The following SH3GL3 variants were observed in gnomAD, a reference collection of about 807,000 sequenced individuals.
SH3GL3 encodes SH3 domain containing GRB2 like 3, endophilin A3, also known as endophilin-A3.
In SH3GL3, 33 loss-of-function variants were observed where a neutral mutation model predicts 47.7. The ratio of observed to expected loss-of-function variants is 0.69; its 90% CI spans 0.52 to 0.92. The LOEUF (loss-of-function observed/expected upper bound fraction) is 0.92, where lower values mean the gene tolerates loss of function less well. SH3GL3 is among the 40% of genes least tolerant of loss of function. The pLI is 0.00. For synonymous variants in SH3GL3, 155 were observed against 148.8 expected (o/e 1.04, Z -0.30); for missense variants, 363 against 417.8 (o/e 0.87, Z 1.14).
chr15:83,495,772 C>T (rs1429247746), intron 1 of SH3GL3, among the ~76,000 whole-genome samples: 2 of 151,908 alleles, frequency 1.3e-5, no homozygotes. Context: ...ACATCTTTTT[C>T]CATGTTAAGG....
intron 1 of SH3GL3, among the ~76,000 whole-genome samples, chr15:83,473,879 C>T (rs540845439): frequency 2.1e-4 from 31 of 149,304 alleles, no homozygotes; most frequent in Admixed American, 1.5e-3. Flanking sequence ...TATGTCCATG[C>T]GCATTTCCGT....
chr15:83,611,644 G>C (rs1408477693), intron 8 of SH3GL3: 1 of 152,552 alleles, frequency 6.6e-6, no homozygotes, highest in Non-Finnish European at 1.5e-5. Flanking sequence ...GGAACTGCCA[G>C]CTGCAGGACC....
chr15:83,589,643 C>T (rs1440040333), intron 8 of SH3GL3, among the ~76,000 whole-genome samples: 1 of 152,202 alleles, frequency 6.6e-6, no homozygotes, highest in African/African-American at 2.4e-5. Context: ...TTCTGAAGTG[C>T]TGGGATTATA....
chr15:83,482,462 T>C (rs965645880), intron 1 of SH3GL3, among the ~76,000 whole-genome samples: 4 of 152,122 alleles, frequency 2.6e-5, no homozygotes, highest in African/African-American at 9.7e-5. Flanking sequence ...TCTCTTTTCT[T>C]TCTACAAGCA....
intron 1 of SH3GL3, among the ~76,000 whole-genome samples, chr15:83,555,571 A>G (rs1489050778): frequency 6.6e-6 from 1 of 152,152 alleles, no homozygotes; most frequent in African/African-American, 2.4e-5. Flanking sequence ...ATCTGGATCC[A>G]GTCACAGAGC....
rs2041491787 is a variant in SH3GL3 at position 83,484,127 on chromosome 15, CCA to C, written c.45+36550_45+36551del. ...CAATCTCAAATGACCCTCTTTAATC[CCA>C]TTTTCTGCCTTCTTCTTATACTCAG... On this transcript the variant is annotated intron_variant, in intron 1 of 8. Transcript: ENST00000427482. 2.6e-5 allele frequency among the ~76,000 whole-genome samples: 4 copies of C among 152,162 alleles called. No homozygotes were observed. The South Asian group carries it at 8.3e-4, about 32-fold the overall frequency.
At chr15:83,491,965 C>T (rs1057106302) in intron 1 of SH3GL3, among the ~76,000 whole-genome samples, 1 of 152,064 alleles carries the variant, frequency 6.6e-6, no homozygotes, top group Non-Finnish European at 1.5e-5. Flanking sequence ...AATAGAATTG[C>T]GATCTGATCA....
chr15:83,461,323 G>A (rs531423613), intron 1 of SH3GL3, among the ~76,000 whole-genome samples: 17 of 152,196 alleles, frequency 1.1e-4, no homozygotes, highest in Non-Finnish European at 2.1e-4. Context: ...ATTTCCAAAA[G>A]TCTAATTAAA....
At chr15:83,619,528 G>A (rs985085357), downstream of SH3GL3, among the ~76,000 whole-genome samples, 1 of 152,110 alleles carries the variant, frequency 6.6e-6, no homozygotes, top group Admixed American at 6.6e-5. Flanking sequence ...ATTTACCTAT[G>A]TAACAAACCT....
the SH3GL3 span, among the ~76,000 whole-genome samples, chr15:83,627,396 C>CAAAAAA: frequency 5.3e-5 from 4 of 75,312 alleles, 1 homozygote; most frequent in Admixed American, 1.3e-4. Flanking sequence ...GATGCCGTCT[C>CAAAAAA]AAAAAAAAAA....
chr15:83,461,735 G>A (rs1408642321), intron 1 of SH3GL3, among the ~76,000 whole-genome samples: 1 of 151,826 alleles, frequency 6.6e-6, no homozygotes, highest in Admixed American at 6.6e-5. Flanking sequence ...ATTCTTGTAG[G>A]TACTTCGGAT....
At chr15:83,541,251 G>C (rs1451562114) in intron 1 of SH3GL3, among the ~76,000 whole-genome samples, 2 of 140,394 alleles carry the variant, frequency 1.4e-5, no homozygotes, top group African/African-American at 2.6e-5. Context: ...ATATCTCTTT[G>C]ATACACTGAT....
chr15:83,476,172 G>A (rs972165202), intron 1 of SH3GL3, among the ~76,000 whole-genome samples: 4 of 152,116 alleles, frequency 2.6e-5, no homozygotes, highest in Admixed American at 2.6e-4. Flanking sequence ...CTCCTTCTAC[G>A]AAGGAGGGAA....
rs142447916 is a variant in SH3GL3, at chr15:83,559,311, A to G, written c.104A>G (p.Asp35Gly). The G allele has an allele frequency of 1.3e-6, 2 of 1,577,422 alleles. No individual in the cohort carries two copies. Among genetic ancestry groups the G allele is most frequent in the African/African-American group, 1.3e-5 (1 of 74,188 alleles). The change falls in exon 2 of 9, where the codon GAC becomes GGC. Residue 35 changes from aspartate to glycine, a missense_variant. Transcript: ENST00000427482. ...EGTKLDDEFL[D>G]MERKIDVTNK... is the part of the protein sequence containing the mutation. ...ACTAAACTAGACGATGAATTTCTTG[A>G]CATGGAAAGGGTAAGAGCATTTTAA...
At chr15:83,626,946 C>T in the SH3GL3 span, among the ~76,000 whole-genome samples, 14 of 152,052 alleles carry the variant, frequency 9.2e-5, no homozygotes, top group Non-Finnish European at 1.8e-4. Flanking sequence ...GATTTTTATC[C>T]AGGTCTAAGG....
intron 8 of SH3GL3, among the ~76,000 whole-genome samples, chr15:83,598,687 C>CT (rs904353236): frequency 2.3e-4 from 35 of 152,140 alleles, no homozygotes; most frequent in African/African-American, 6.5e-4. Context: ...AGAAAATATT[C>CT]TTTTTTTCAA....
intron 1 of SH3GL3, among the ~76,000 whole-genome samples, chr15:83,548,971 C>T (rs746664858): frequency 7.2e-5 from 11 of 151,928 alleles, no homozygotes; most frequent in Non-Finnish European, 1.3e-4. Context: ...TCTTCTTTCC[C>T]TTTATGTTTC....
chr15:83,616,735 G>A lies in SH3GL3; in HGVS notation c.839-1347G>A, dbSNP rs148132871. On this transcript the variant is annotated intron_variant, in intron 8 of 8. Transcript: ENST00000427482. Reference sequence around the variant, plus strand: ...AAGAATTGTCTATAAAAGCCAAGGGGGAATAAAAGAGACAACAGAAAGAAA... The same window carrying A: ...AAGAATTGTCTATAAAAGCCAAGGGAGAATAAAAGAGACAACAGAAAGAAA... Among the ~76,000 whole-genome samples the A allele has an allele frequency of 1.6e-3, 240 of 151,488 alleles. 1 individual carries two copies. Among genetic ancestry groups the A allele is most frequent in the African/African-American group, 5.6e-3 (232 of 41,258 alleles).
chr15:83,612,846 G>A (rs1202201305), intron 8 of SH3GL3, among the ~76,000 whole-genome samples: 1 of 152,164 alleles, frequency 6.6e-6, no homozygotes, highest in Non-Finnish European at 1.5e-5. Context: ...TTGGAACCCA[G>A]AAGTTTCTCT....
Sources: allele counts gnomAD v4.1 joint callset (sites outside exome capture counted in the v4.1 genomes callset), GRCh38; gene constraint gnomAD v4.1.1; transcripts MANE v1.5; gene names NCBI Gene and HGNC (gene_info 2026-07-23, HGNC 2026-07-21).